Variants in ELOA observed in about 807,000 individuals in gnomAD.
The protein encoded by ELOA is elongin A, also known as elongin-A.
ELOA carries 15 observed loss-of-function variants against 85.2 expected under a neutral mutation model. That is an observed-to-expected ratio of 0.18 (90% CI 0.12 to 0.27). The LOEUF (loss-of-function observed/expected upper bound fraction) is 0.27. Among genes scored for constraint, ELOA ranks in the 10% least tolerant of loss-of-function variants. ELOA has a pLI of 1.00. For synonymous variants in ELOA, 348 were observed against 357.2 expected (o/e 0.97, Z 0.29); for missense variants, 769 against 952.7 (o/e 0.81, Z 2.54).
chr1:23,756,838 A>G, intron 9 of ELOA, 115 bp from the exon 10 acceptor site: 3 of 1,088,564 alleles, frequency 2.8e-6, no homozygotes, highest in Non-Finnish European at 3.8e-6. Context: ...GATAGGGTCC[A>G]TTGGTCAAAG....
intron 4 of ELOA, 121 bp from the exon 5 acceptor site, chr1:23,752,286 C>G (rs1283308398): frequency 3.1e-6 from 3 of 953,956 alleles, no homozygotes; most frequent in African/African-American, 1.6e-5. Context: ...ATGACTGTGG[C>G]CCCCTCCAAC....
chr1:23,750,441 A>G (rs909330014), intron 3 of ELOA, among the ~76,000 whole-genome samples: 10 of 152,016 alleles, frequency 6.6e-5, no homozygotes, highest in African/African-American at 2.4e-4. Context: ...CGGCCTCCCA[A>G]AGTGCTGGGA....
In ELOA at chr1:23,756,022, A is replaced by G; in HGVS notation, c.1971A>G (p.Lys657=). Residue 657 remains lysine (K), a splice_region_variant and synonymous_variant, in exon 8 of 11, where the codon AAA becomes AAG. Transcript: ENST00000613537. ...NIQFAHANKP[K]GRQAKMAFVN... Reference sequence around the variant, plus strand: ...AGTTCGCACATGCCAATAAGCCCAAAGGTAACAGAGACGGGAGAGCTGGGG... The same window carrying G: ...AGTTCGCACATGCCAATAAGCCCAAGGGTAACAGAGACGGGAGAGCTGGGG... 6.2e-7 allele frequency: 1 copy of G among 1,611,732 alleles called. No individual in the cohort carries two copies. The highest frequency in any genetic ancestry group is 8.5e-7 in the Non-Finnish European group (1 of 1,178,992).
intron 2 of ELOA, 73 bp from the exon 3 acceptor site, chr1:23,749,762 CAAAGTAG>C: frequency 1.6e-6 from 2 of 1,245,138 alleles, no homozygotes; most frequent in Non-Finnish European, 2.3e-6. Context: ...TTGAGTTTCT[CAAAGTAG>C]AAAGCCTTAT....
chr1:23,755,129 G>A (rs1447924040), intron 7 of ELOA, among the ~76,000 whole-genome samples: 1 of 151,898 alleles, frequency 6.6e-6, no homozygotes, highest in Non-Finnish European at 1.5e-5. Flanking sequence ...TCAGACTCTT[G>A]GCCTCCTGAA....
intron 1 of ELOA, among the ~76,000 whole-genome samples, chr1:23,747,626 T>C (rs1210197704): frequency 2.6e-5 from 4 of 152,218 alleles, no homozygotes; most frequent in African/African-American, 9.6e-5. Flanking sequence ...TTTGCACCCA[T>C]AGCTTGGGTG....
chr1:23,754,711 C>G (rs1039445401), intron 7 of ELOA, among the ~76,000 whole-genome samples: 1 of 152,178 alleles, frequency 6.6e-6, no homozygotes, highest in East Asian at 1.9e-4. Flanking sequence ...TAACATCTCC[C>G]TTGAGCTTGC....
Position 23,761,505 on chromosome 1 carries a change from A to G in ELOA, c.*1932A>G, listed in dbSNP as rs1331085133. 2 of 152,138 alleles carry G rather than the reference A, an allele frequency of 1.3e-5. No individual in the cohort carries two copies. Among genetic ancestry groups the G allele is most frequent in the African/African-American group, 2.4e-5 (1 of 41,432 alleles). 9.4% of individuals were successfully genotyped at this position (152,138 alleles called of 1,614,324 possible). Reference sequence around the variant, plus strand: ...TCTTTAGGCAGGGAGGGAAGAAAAAACAGATTTGTTCATAGCAATGTCAGT... The same window carrying G: ...TCTTTAGGCAGGGAGGGAAGAAAAAGCAGATTTGTTCATAGCAATGTCAGT... On this transcript the variant is annotated 3_prime_UTR_variant, in exon 11 of 11. Transcript: ENST00000613537.
rs1389513511 is a variant in ELOA, at chr1:23,756,996, G to T, written c.2128G>T (p.Ala710Ser). ...PYPMGSSHAS[A>S]SSISFNPSPE... ...CCCCATGGGAAGCAGCCATGCTTCC[G>T]CCAGTAGCATCAGCTTTAACCCCAG... The change falls in exon 10 of 11, where the codon GCC (alanine) becomes TCC (serine). Residue 710 changes from alanine to serine, a missense_variant. Coordinates refer to ENST00000613537, the MANE Select transcript of ELOA (RefSeq NM_003198.3). 6.3e-7 allele frequency: 1 copy of T among 1,595,790 alleles called. No homozygotes were observed. The highest frequency in any genetic ancestry group is 1.4e-5 in the African/African-American group (1 of 73,908).
chr1:23,761,555 T>C lies in ELOA; in HGVS notation c.*1982T>C, dbSNP rs1272356958. ...TATCCATTTTGGCACATAAAGATTTTTGATGAGCCCTGTTTGCATAGAGCC... is the reference window on the plus strand; with the variant it reads ...TATCCATTTTGGCACATAAAGATTTCTGATGAGCCCTGTTTGCATAGAGCC... On this transcript the variant is annotated 3_prime_UTR_variant, in exon 11 of 11. Transcript: ENST00000613537. The C allele has an allele frequency of 1.3e-5, 2 of 152,168 alleles. No homozygotes were observed. The allele number at this position is 152,168 out of a possible 1,614,324, so 9.4% of individuals were successfully genotyped here.
At chr1:23,758,247 A>ATTTTTTTTTTTTTTTTTTTT (rs1338294015) in intron 10 of ELOA, among the ~76,000 whole-genome samples, 1 of 56,790 alleles carries the variant, frequency 1.8e-5, no homozygotes, top group Non-Finnish European at 3.4e-5. Context: ...GGGTCTTCCA[A>ATTTTTTTTTTTTTTTTTTTT]TTTATTTATT....
At chr1:23,749,533 G>A (rs900608299) in intron 2 of ELOA, among the ~76,000 whole-genome samples, 12 of 152,134 alleles carry the variant, frequency 7.9e-5, no homozygotes, top group Non-Finnish European at 1.8e-4. Context: ...TGTAAAATGG[G>A]TCTGATTCCT....
chr1:23,754,100 C>T lies in ELOA; in HGVS notation c.1538C>T (p.Ala513Val), dbSNP rs775358723. 1.4e-5 allele frequency: 23 copies of T among 1,613,878 alleles called. No homozygotes were observed. Among genetic ancestry groups the T allele is most frequent in the South Asian group, 2.2e-5 (2 of 91,070 alleles). The change falls in exon 6 of 11, where the codon GCG (alanine) becomes GTG (valine). Residue 513 changes from alanine (A) to valine (V), a missense_variant and splice_region_variant. Around this residue, in one of 4 missense-constraint regions of ELOA, gnomAD observed 193 missense variants for 278.9 expected, o/e 0.69. Transcript: ENST00000613537. ...LISSFQPKRK[A>V]FSSPQEEEEA... is the part of the protein sequence containing the mutation. ...CTTTTGTGTTTTTCTTGCCCTATAGCGTTCTCTTCACCCCAGGAAGAAGAA... is the reference window on the plus strand; with the variant it reads ...CTTTTGTGTTTTTCTTGCCCTATAGTGTTCTCTTCACCCCAGGAAGAAGAA...
At chr1:23,753,999 C>T (rs952485958) in intron 5 of ELOA, 101 bp from the exon 6 acceptor site, 20 of 1,401,570 alleles carry the variant, frequency 1.4e-5, no homozygotes, top group East Asian at 6.9e-5. Context: ...AAATCTGTAG[C>T]GTGGATTGCC....
chr1:23,744,108 CAG>C (rs1348943934), intron 1 of ELOA: 1 of 152,454 alleles, frequency 6.6e-6, no homozygotes, highest in Non-Finnish European at 1.5e-5. Context: ...GGCTGGATAT[CAG>C]AGCGTGGACC....
rs144866073 is a variant in ELOA at position 23,744,549 on chromosome 1, GTT to G, written c.75+972_75+973del. ...GCTCACTGCAACCTCCGTCTCCCGG[GTT>G]CAGGCAATTGTCTGCCTCAGCCTCC... On this transcript the variant is annotated intron_variant, in intron 1 of 10. Coordinates refer to ENST00000613537, the MANE Select transcript of ELOA (RefSeq NM_003198.3). Among the ~76,000 whole-genome samples the G allele has an allele frequency of 1.3e-3, 192 of 151,790 alleles. 2 individuals carry two copies. The highest frequency in any genetic ancestry group is 0.01 in the Middle Eastern group (3 of 294).
rs1644732084 is a variant in ELOA, at chr1:23,743,500, A to G, written c.-4A>G. 2 of 1,505,952 alleles carry G rather than the reference A, an allele frequency of 1.3e-6. No individual in the cohort carries two copies. Among genetic ancestry groups the G allele is most frequent in the Non-Finnish European group, 1.8e-6 (2 of 1,132,820 alleles). The allele number at this position is 1,505,952 out of a possible 1,614,324, so 93.3% of individuals were successfully genotyped here. On this transcript the variant is annotated 5_prime_UTR_variant, in exon 1 of 11. Transcript: ENST00000613537. ...CCGGCGAGGAGGCCGCGCCAGTGACAGCGATGGCGGCGGAGTCGGCGCTCC... is the reference window on the plus strand; with the variant it reads ...CCGGCGAGGAGGCCGCGCCAGTGACGGCGATGGCGGCGGAGTCGGCGCTCC...
rs1486359908 is a variant in ELOA at position 23,761,055 on chromosome 1, A to T, written c.*1482A>T. On this transcript the variant is annotated 3_prime_UTR_variant, in exon 11 of 11. Coordinates refer to ENST00000613537, the MANE Select transcript of ELOA (RefSeq NM_003198.3). Reference sequence around the variant, plus strand: ...CAGAGCCAGTGTTTTCTGTAACTGGAGACCTCAGTTAGGCCAACTTCGAAT... The same window carrying T: ...CAGAGCCAGTGTTTTCTGTAACTGGTGACCTCAGTTAGGCCAACTTCGAAT... The T allele has an allele frequency of 6.6e-6, 1 of 152,226 alleles. No individual in the cohort carries two copies. The highest frequency in any genetic ancestry group is 1.5e-5 in the Non-Finnish European group (1 of 68,038). The allele number at this position is 152,226 out of a possible 1,614,324, so 9.4% of individuals were successfully genotyped here. A position where few individuals can be genotyped will look rare whatever the true frequency, so the allele number is the denominator to read the frequency against.
Position 23,757,083 on chromosome 1 carries a change from A to G in ELOA, c.2215A>G (p.Ser739Gly). 6.2e-7 allele frequency: 1 copy of G among 1,600,218 alleles called. No individual in the cohort carries two copies. The change falls in exon 10 of 11, where the codon AGC becomes GGC. Residue 739 changes from serine (S) to glycine (G), a missense_variant. By Grantham distance (56) the Ser-to-Gly change is moderately conservative (BLOSUM62 0). Transcript: ENST00000613537. ...CAGTGCCCACTTGGCACCAGTGGTC[A>G]GCAGCACTGTTTCCTATGATCCTAG... Reference protein sequence around the residue: ...TSSAHLAPVVSSTVSYDPRKP... With the variant: ...TSSAHLAPVVGSTVSYDPRKP...
Sources: allele counts gnomAD v4.1 joint callset (sites outside exome capture counted in the v4.1 genomes callset), GRCh38; gene constraint gnomAD v4.1.1; regional missense constraint gnomAD v4.1.1; transcripts MANE v1.5; gene names NCBI Gene and HGNC (gene_info 2026-07-23, HGNC 2026-07-21).